The following STAU2 variants were observed in gnomAD, a reference collection of about 807,000 sequenced individuals.
STAU2 encodes double-stranded RNA-binding protein Staufen homolog 2.
A neutral mutation model predicts 65.9 loss-of-function variants in STAU2; 20 were observed. That is an observed-to-expected ratio of 0.30 (90% CI 0.21 to 0.44). The LOEUF (loss-of-function observed/expected upper bound fraction) is 0.44. STAU2 is among the 20% of genes least tolerant of loss of function. The probability of loss-of-function intolerance (pLI) is 1.00; values close to 1 mark genes in which losing one functional copy is unlikely to be tolerated. For missense variants in STAU2, 558 were observed against 683.9 expected (o/e 0.82, Z 2.05); for synonymous variants, 232 against 233.9 (o/e 0.99, Z 0.07).
chr8:73,582,919 G>C, intron 11 of STAU2, 89 bp from the exon 12 acceptor site: 2 of 1,186,102 alleles, frequency 1.7e-6, no homozygotes, highest in African/African-American at 3.1e-5. Flanking sequence ...CAAAGGCAAA[G>C]TCCTCTCACA....
Position 73,721,287 on chromosome 8 carries a change from CAAAAAAAAAAAAAA to C in STAU2, c.-17-12139_-17-12126del, listed in dbSNP as rs35721754. ...CGTGAACAAAGCAAAACCCCACCTC[CAAAAAAAAAAAAAA>C]AAAAAAAAAAAAAAGTCCTTTATGG... On this transcript the variant is annotated intron_variant, in intron 3 of 14. Transcript: ENST00000524300. 1.4e-3 allele frequency among the ~76,000 whole-genome samples: 17 copies of C among 12,464 alleles called. No homozygotes were observed. In the South Asian group the frequency reaches 0.014, roughly 11 times the overall value. The allele number at this position is 12,464 out of a possible 152,430, so 8.2% of individuals were successfully genotyped here.
intron 12 of STAU2, among the ~76,000 whole-genome samples, chr8:73,558,505 T>C (rs893469957): frequency 2.0e-5 from 3 of 152,166 alleles, no homozygotes; most frequent in Admixed American, 1.3e-4. Flanking sequence ...TACTGAAGAG[T>C]TGAAGAGGGA....
At chr8:73,688,238 G>A (rs58312854) in intron 5 of STAU2, among the ~76,000 whole-genome samples, 11,170 of 145,630 alleles carry the variant, frequency 0.077, 460 homozygotes, top group Middle Eastern at 0.16. Flanking sequence ...GTGCAATGGC[G>A]CGATCTTGGC....
At chr8:73,549,720 A>G (rs1807184925) in intron 13 of STAU2, 1 of 985,800 alleles carries the variant, frequency 1.0e-6, no homozygotes, top group Non-Finnish European at 1.2e-6. Context: ...AAGGGTTTAC[A>G]CAATATTCAA....
intron 13 of STAU2, among the ~76,000 whole-genome samples, chr8:73,493,269 TA>T (rs1331970896): frequency 6.6e-6 from 1 of 151,692 alleles, no homozygotes; most frequent in Non-Finnish European, 1.5e-5. Context: ...AAAAAACTGA[TA>T]AATTGAACTG....
intron 13 of STAU2, among the ~76,000 whole-genome samples, chr8:73,530,782 A>G (rs1805758638): frequency 6.6e-6 from 1 of 152,172 alleles, no homozygotes; most frequent in Non-Finnish European, 1.5e-5. Flanking sequence ...GCCTACCTCC[A>G]TGGCCTTTGA....
chr8:73,426,801 T>A (rs16938651), intron 13 of STAU2, among the ~76,000 whole-genome samples: 1 of 152,156 alleles, frequency 6.6e-6, no homozygotes, highest in Non-Finnish European at 1.5e-5. Flanking sequence ...ATCGATATCC[T>A]GTGTGATACC....
At chr8:73,463,465 A>G (rs987161550) in intron 13 of STAU2, among the ~76,000 whole-genome samples, 2 of 152,226 alleles carry the variant, frequency 1.3e-5, no homozygotes, top group Admixed American at 6.5e-5. Context: ...ACTGCTTCAT[A>G]AGAAAGACTA....
intron 13 of STAU2, among the ~76,000 whole-genome samples, chr8:73,540,273 G>A (rs1806459433): frequency 6.6e-6 from 1 of 152,180 alleles, no homozygotes; most frequent in African/African-American, 2.4e-5. Context: ...CATACACAAA[G>A]GAGAAGGCCA....
intron 6 of STAU2, among the ~76,000 whole-genome samples, chr8:73,656,864 G>A (rs2130285823): frequency 6.6e-6 from 1 of 152,132 alleles, no homozygotes; most frequent in East Asian, 1.9e-4. Flanking sequence ...ACATACAAGA[G>A]ACACCAAAAA....
At chr8:73,568,874 T>C (rs1808820540) in intron 12 of STAU2, among the ~76,000 whole-genome samples, 1 of 152,060 alleles carries the variant, frequency 6.6e-6, no homozygotes, top group Non-Finnish European at 1.5e-5. Context: ...GATGGCCAGA[T>C]AGGAACAGCT....
chr8:73,464,797 A>G (rs545119231), intron 13 of STAU2, among the ~76,000 whole-genome samples: 2 of 152,376 alleles, frequency 1.3e-5, no homozygotes, highest in African/African-American at 4.8e-5. Flanking sequence ...ACAGAAAGGA[A>G]GTTGGGAGGT....
intron 13 of STAU2, among the ~76,000 whole-genome samples, chr8:73,453,330 A>G (rs1266349869): frequency 7.0e-6 from 1 of 143,582 alleles, no homozygotes; most frequent in Non-Finnish European, 1.5e-5. Context: ...CATATAAAAT[A>G]TCATGCTGTA....
intron 5 of STAU2, among the ~76,000 whole-genome samples, chr8:73,684,511 A>C (rs1313912515): frequency 1.3e-5 from 2 of 152,228 alleles, no homozygotes; most frequent in African/African-American, 4.8e-5. Context: ...AAATTCTAGA[A>C]GATAACATTG....
chr8:73,693,096 C>T (rs750361850), intron 4 of STAU2, among the ~76,000 whole-genome samples: 10 of 151,974 alleles, frequency 6.6e-5, no homozygotes, highest in East Asian at 3.9e-4. Context: ...AGGAGATGAA[C>T]GCTGCAGTGA....
chr8:73,746,539 C>T (rs1247395964), intron 1 of STAU2, among the ~76,000 whole-genome samples: 2 of 151,540 alleles, frequency 1.3e-5, no homozygotes, highest in Non-Finnish European at 2.9e-5. Flanking sequence ...CCACCACACA[C>T]GCACCCCCCA....
chr8:73,443,986 C>T (rs1818333408), intron 13 of STAU2, among the ~76,000 whole-genome samples: 1 of 152,186 alleles, frequency 6.6e-6, no homozygotes, highest in Non-Finnish European at 1.5e-5. Context: ...AGACCCTGGT[C>T]AGTCAGGGAC....
At chr8:73,570,403 G>A (rs1278050069) in intron 12 of STAU2, among the ~76,000 whole-genome samples, 1 of 150,598 alleles carries the variant, frequency 6.6e-6, no homozygotes, top group African/African-American at 2.4e-5. Context: ...ATATTATCCA[G>A]GAGAACTTCC....
At chr8:73,489,665 T>C (rs1159991282) in intron 13 of STAU2, among the ~76,000 whole-genome samples, 1 of 152,104 alleles carries the variant, frequency 6.6e-6, no homozygotes, top group Admixed American at 6.6e-5. Context: ...CAATCATTTA[T>C]ACTTAAAGTA....
Sources: gnomAD v4.1 joint callset for allele counts (sites outside exome capture counted in the v4.1 genomes callset) on GRCh38, gnomAD v4.1.1 for gene constraint, MANE v1.5 for transcripts, NCBI Gene and HGNC (gene_info 2026-07-23, HGNC 2026-07-21) for gene names.